Variants in LIN52 observed in about 807,000 individuals in gnomAD.
LIN52 encodes lin-52 DREAM MuvB core complex component, also known as protein lin-52 homolog.
In LIN52, 4 loss-of-function variants were observed where a neutral mutation model predicts 18.5. That is an observed-to-expected ratio of 0.22 (90% CI 0.11 to 0.49). The LOEUF is 0.49. LIN52 is among the 20% of genes least tolerant of loss of function. LIN52 has a pLI of 0.97. For missense variants in LIN52, 102 were observed against 139.5 expected, an observed-to-expected ratio of 0.73 and a Z score of 1.35; for synonymous variants, 34 against 45.5, an observed-to-expected ratio of 0.75 and a Z score of 1.02.
rs71460953 is a variant in LIN52 at position 74,089,370 on chromosome 14, A to ATTT, written c.20-1848_20-1846dup. Among the ~76,000 whole-genome samples, 325 of 142,350 alleles carry ATTT rather than the reference A, an allele frequency of 2.3e-3. 1 individual carries two copies. Among genetic ancestry groups the ATTT allele is most frequent in the African/African-American group, 7.4e-3 (284 of 38,546 alleles). The allele number at this position is 142,350 out of a possible 152,430, so 93.4% of individuals were successfully genotyped here. A position where few individuals can be genotyped will look rare whatever the true frequency, so the allele number is the denominator to read the frequency against. ...AATTAGGTTTAAAGTTTAAGTGGGG[A>ATTT]TTTTTTTTTTTTTTTTGAGACAGGA... On this transcript the variant is annotated intron_variant, in intron 1 of 5. Transcript: ENST00000555028.
intron 2 of LIN52, among the ~76,000 whole-genome samples, chr14:74,095,592 A>G (rs568614660): frequency 1.7e-4 from 26 of 152,324 alleles, no homozygotes; most frequent in Non-Finnish European, 3.1e-4. Context: ...AATAAATAAA[A>G]TTGGATTGAC....
chr14:74,138,454 T>C (rs1044713797), intron 5 of LIN52, among the ~76,000 whole-genome samples: 1 of 152,220 alleles, frequency 6.6e-6, no homozygotes, highest in Non-Finnish European at 1.5e-5. Flanking sequence ...AGTGTGGAAC[T>C]GAGATATGCA....
At chr14:74,175,669 C>G (rs2061289607) in intron 5 of LIN52, among the ~76,000 whole-genome samples, 1 of 150,146 alleles carries the variant, frequency 6.7e-6, no homozygotes, top group Admixed American at 6.7e-5. Context: ...TGCACTCCAG[C>G]CTGGGTGGCA....
At chr14:74,133,290 A>G (rs983320570) in intron 5 of LIN52, among the ~76,000 whole-genome samples, 15 of 152,226 alleles carry the variant, frequency 9.9e-5, no homozygotes, top group African/African-American at 3.6e-4. Flanking sequence ...AGAGAGCAGC[A>G]TGTGATAAAA....
intron 5 of LIN52, among the ~76,000 whole-genome samples, chr14:74,104,226 A>G (rs909943154): frequency 2.0e-5 from 3 of 152,186 alleles, no homozygotes; most frequent in African/African-American, 2.4e-5. Flanking sequence ...AAATATAACA[A>G]TAGTTTCATT....
At chr14:74,144,191 C>CA (rs1297466334) in intron 5 of LIN52, among the ~76,000 whole-genome samples, 2 of 151,452 alleles carry the variant, frequency 1.3e-5, no homozygotes, top group Non-Finnish European at 2.9e-5. Context: ...GTGGTACAAA[C>CA]ACGGCTCACT....
At chr14:74,153,435 A>G (rs2061185525) in intron 5 of LIN52, among the ~76,000 whole-genome samples, 1 of 152,198 alleles carries the variant, frequency 6.6e-6, no homozygotes, top group African/African-American at 2.4e-5. Flanking sequence ...TGATAACTAA[A>G]TACATTTTTG....
At chr14:74,194,793 A>AAC (rs2078899621) in intron 5 of LIN52, among the ~76,000 whole-genome samples, 1 of 152,180 alleles carries the variant, frequency 6.6e-6, no homozygotes. Context: ...TTAGAATGGA[A>AAC]GCGGTGTTGC....
intron 4 of LIN52, among the ~76,000 whole-genome samples, chr14:74,100,815 C>T (rs991123928): frequency 1.3e-5 from 2 of 152,110 alleles, no homozygotes; most frequent in African/African-American, 4.8e-5. Context: ...GGTATCATTG[C>T]CCAGGCTGGT....
At chr14:74,131,660 T>A (rs1250478589) in intron 5 of LIN52, among the ~76,000 whole-genome samples, 1 of 152,128 alleles carries the variant, frequency 6.6e-6, no homozygotes, top group Non-Finnish European at 1.5e-5. Flanking sequence ...AGCTGAAAAA[T>A]TATGTTTCAG....
chr14:74,174,434 G>C (rs2061283700), intron 5 of LIN52: 1 of 152,194 alleles, frequency 6.6e-6, no homozygotes, highest in Non-Finnish European at 1.5e-5. Context: ...ACATAGAAAA[G>C]GTAGAGTAAA....
chr14:74,164,690 C>T (rs2061240918), intron 5 of LIN52, among the ~76,000 whole-genome samples: 1 of 152,122 alleles, frequency 6.6e-6, no homozygotes, highest in Non-Finnish European at 1.5e-5. Flanking sequence ...AGAGACTAAT[C>T]TGGGGAATCT....
intron 5 of LIN52, among the ~76,000 whole-genome samples, chr14:74,130,287 T>TTTG (rs1566856583): frequency 3.1e-5 from 4 of 130,276 alleles, no homozygotes; most frequent in Admixed American, 8.1e-5. Context: ...GGTTTTTTTT[T>TTTG]TTTTTTTTTG....
At chr14:74,139,581 A>G (rs2061117597) in intron 5 of LIN52, among the ~76,000 whole-genome samples, 1 of 152,138 alleles carries the variant, frequency 6.6e-6, no homozygotes, top group Non-Finnish European at 1.5e-5. Flanking sequence ...GTAAATAAAT[A>G]TTAGAAAATA....
intron 5 of LIN52, among the ~76,000 whole-genome samples, chr14:74,181,688 A>G (rs945011267): frequency 6.6e-6 from 1 of 152,126 alleles, no homozygotes; most frequent in Admixed American, 6.6e-5. Flanking sequence ...CTGGCTGAGG[A>G]TCCTTTTGTG....
At chr14:74,187,759 G>A (rs1413267697) in intron 5 of LIN52, among the ~76,000 whole-genome samples, 1 of 152,092 alleles carries the variant, frequency 6.6e-6, no homozygotes, top group African/African-American at 2.4e-5. Context: ...CATTGTACAG[G>A]GTTCTGTAAA....
chr14:74,189,126 T>C (rs2061352570), intron 5 of LIN52, among the ~76,000 whole-genome samples: 1 of 152,192 alleles, frequency 6.6e-6, no homozygotes, highest in South Asian at 2.1e-4. Flanking sequence ...GCAAAATATT[T>C]TGTGTTCTGA....
chr14:74,101,206 A>G lies in LIN52; in HGVS notation c.251A>G (p.Gln84Arg), dbSNP rs1377366651. The change falls in exon 5 of 6, where the codon CAG (glutamine) becomes CGG (arginine). Residue 84 changes from glutamine (Q) to arginine (R), a missense_variant. By Grantham distance (43) the Gln-to-Arg change is conservative. Transcript: ENST00000555028. The part of the protein sequence containing the change: ...ANLMEKVRGL[Q>R]NLAYQLGLDE... The stretch of plus-strand genomic sequence containing the variant: ...TTGATGGAGAAGGTTCGAGGCCTAC[A>G]GAACCTAGCCTATCAGCTGGGGCTG... 6.2e-7 allele frequency: 1 copy of G among 1,611,158 alleles called. No individual in the cohort carries two copies. The highest frequency in any genetic ancestry group is 1.3e-5 in the African/African-American group (1 of 74,772).
At chr14:74,152,094 C>G (rs566508548) in intron 5 of LIN52, among the ~76,000 whole-genome samples, 10 of 152,178 alleles carry the variant, frequency 6.6e-5, no homozygotes, top group African/African-American at 2.4e-4. Flanking sequence ...GAAACCCCAT[C>G]TCTATTAAAA....
Sources: gnomAD v4.1 joint callset for allele counts (sites outside exome capture counted in the v4.1 genomes callset) on GRCh38, gnomAD v4.1.1 for gene constraint, MANE v1.5 for transcripts, NCBI Gene and HGNC (gene_info 2026-07-23, HGNC 2026-07-21) for gene names.